The following KCP variants were observed in gnomAD, a reference collection of about 807,000 sequenced individuals.
KCP encodes kielin cysteine rich BMP regulator.
In KCP, 194 loss-of-function variants were observed where a neutral mutation model predicts 212.7. The observed-to-expected ratio is 0.91, with a 90% CI of 0.81 to 1.03. KCP has a LOEUF of 1.03. Among genes scored for constraint, KCP ranks in the 50% least tolerant of loss-of-function variants. The pLI, the probability that KCP is intolerant of heterozygous loss-of-function variation, is 0.00. For missense variants in KCP, 2,080 were observed against 2,162.5 expected (o/e 0.96, Z 0.76); for synonymous variants, 833 against 865.3 (o/e 0.96, Z 0.65).
chr7:128,908,622 A>C, intron 1 of KCP, 54 bp from the exon 2 acceptor site: 1 of 1,516,638 alleles, frequency 6.6e-7, no homozygotes, highest in Non-Finnish European at 8.9e-7. Flanking sequence ...TGGCCTGGCC[A>C]CATTTTCTGG....
At chr7:128,878,846 G>C (rs1245110559) in intron 37 of KCP, 124 bp from the exon 38 acceptor site, 2 of 966,806 alleles carry the variant, frequency 2.1e-6, no homozygotes, top group Non-Finnish European at 3.0e-6. Context: ...AGAATGGACA[G>C]GTGGAGGCTC....
chr7:128,893,614 T>A, intron 11 of KCP, 138 bp from the exon 12 acceptor site: 1 of 952,592 alleles, frequency 1.0e-6, no homozygotes, highest in Non-Finnish European at 1.6e-6. Context: ...AGCAGCCCCC[T>A]GCCCCCCACA....
At chr7:128,882,487 A>G (rs1224491095) in intron 29 of KCP, among the ~76,000 whole-genome samples, 1 of 152,202 alleles carries the variant, frequency 6.6e-6, no homozygotes, top group Admixed American at 6.5e-5. Flanking sequence ...AAAAGAGATT[A>G]ATAATACTTC....
At chr7:128,886,358 G>C in intron 26 of KCP, 106 bp downstream of exon 26, 1 of 931,520 alleles carries the variant, frequency 1.1e-6, no homozygotes, top group Non-Finnish European at 1.6e-6. Flanking sequence ...CAGTTGTTGG[G>C]GCAGGGAGGT....
In KCP at chr7:128,889,120, C is replaced by T. The variant is rs1020676090; in HGVS notation, c.2336-81G>A. 8 of 1,121,256 alleles carry T rather than the reference C, an allele frequency of 7.1e-6. No individual in the cohort carries two copies. In the African/African-American group the frequency reaches 1.3e-4, roughly 18 times the overall value. The allele number at this position is 1,121,256 out of a possible 1,614,324, so 69.5% of individuals were successfully genotyped here. A position where few individuals can be genotyped will look rare whatever the true frequency, so the allele number is the denominator to read the frequency against. The stretch of plus-strand genomic sequence containing the variant: ...AGTGGTCATAGGCTCTGAGCTTGGG[C>T]CTGTTATGCATCCAAGATCTCAAAG... On this transcript the variant is annotated intron_variant, in intron 21 of 39. Coordinates refer to ENST00000610776, the MANE Select transcript of KCP (RefSeq NM_001366122.1).
At position 128,893,829 on chromosome 7, in the gene KCP, C is replaced by A; in HGVS notation, c.1076G>T (p.Gly359Val). The change falls in exon 11 of 40, where the codon GGG becomes GTG. Residue 359 changes from glycine (G) to valine (V), a missense_variant. Coordinates refer to ENST00000610776, the MANE Select transcript of KCP (RefSeq NM_001366122.1). ...VPCRHPGKIP[G>V]QCCPVCDGCE... ...ACCATCGCAGACAGGGCAGCACTGCCCAGGGATCTTGCCTGGGTGTCTGCA... is the reference window on the plus strand; with the variant it reads ...ACCATCGCAGACAGGGCAGCACTGCACAGGGATCTTGCCTGGGTGTCTGCA... The A allele has an allele frequency of 1.3e-6, 2 of 1,551,188 alleles. No homozygotes were observed. The highest frequency in any genetic ancestry group is 1.7e-6 in the Non-Finnish European group (2 of 1,146,968).
At chr7:128,906,469 G>A in intron 4 of KCP, 106 bp from the exon 5 acceptor site, 1 of 805,042 alleles carries the variant, frequency 1.2e-6, no homozygotes, top group Admixed American at 2.0e-5. Context: ...AGGGGCAAGA[G>A]GATGAGTTGG....
At chr7:128,887,425 A>C (rs1793726669) in intron 22 of KCP, 125 bp from the exon 23 acceptor site, 2 of 734,728 alleles carry the variant, frequency 2.7e-6, no homozygotes, top group African/African-American at 1.8e-5. Context: ...ATAGCCACAC[A>C]CACACATACC....
At chr7:128,909,653 A>G (rs1051691606) in intron 1 of KCP, among the ~76,000 whole-genome samples, 1 of 151,934 alleles carries the variant, frequency 6.6e-6, no homozygotes, top group Non-Finnish European at 1.5e-5. Context: ...CCCTGCCTCC[A>G]TCTGTGCCCC....
intron 7 of KCP, chr7:128,903,476 C>T (rs1470426885): frequency 1.8e-6 from 1 of 556,238 alleles, no homozygotes; most frequent in African/African-American, 1.9e-5. Flanking sequence ...TTGGGGAGCA[C>T]AAAGTAGAAA....
chr7:128,881,689 C>T lies in KCP; in HGVS notation c.3361G>A (p.Glu1121Lys). The T allele has an allele frequency of 1.3e-6, 2 of 1,521,858 alleles. No individual in the cohort carries two copies. Among genetic ancestry groups the T allele is most frequent in the South Asian group, 1.3e-5 (1 of 79,020 alleles). 94.3% of individuals were successfully genotyped at this position (1,521,858 alleles called of 1,614,324 possible). A position where few individuals can be genotyped will look rare whatever the true frequency, so the allele number is the denominator to read the frequency against. Reference sequence around the variant, plus strand: ...CGCTCTGAGAGGGGACAGCTGAGCTCAGGACAAGCCTGGTGGATGCAGAGC... The same window carrying T: ...CGCTCTGAGAGGGGACAGCTGAGCTTAGGACAAGCCTGGTGGATGCAGAGC... The part of the protein sequence containing the change: ...TWLCIHQACP[E>K]LSCPLSERHT... Residue 1121 changes from glutamate to lysine, a missense_variant, in exon 31 of 40, where the codon GAG becomes AAG. Transcript: ENST00000610776.
chr7:128,902,960 C>G, intron 7 of KCP, 101 bp from the exon 8 acceptor site: 1 of 861,676 alleles, frequency 1.2e-6, no homozygotes. Context: ...TCTGAGGGCT[C>G]TCTCCCGAGC....
rs1036664168 is a variant in KCP, at chr7:128,892,953, C to G, written c.1336G>C (p.Ala446Pro). Residue 446 changes from alanine to proline, a missense_variant, in exon 14 of 40, where the codon GCC becomes CCC. Transcript: ENST00000610776. ...GGTACCCCATCTTGACAGACGCAGG[C>G]GGTGCAGGGCCGACCATCAGGCTCC... ...QWEPDGRPCT[A>P]CVCQDGVPKC... 2 of 1,343,650 alleles carry G rather than the reference C, an allele frequency of 1.5e-6. No individual in the cohort carries two copies. Among genetic ancestry groups the G allele is most frequent in the African/African-American group, 2.9e-5 (2 of 69,072 alleles). 83.2% of individuals were successfully genotyped at this position (1,343,650 alleles called of 1,614,324 possible).
In KCP at chr7:128,886,959, G is replaced by T; in HGVS notation, c.2606C>A (p.Ser869Tyr). Residue 869 changes from serine to tyrosine, a missense_variant, in exon 24 of 40, where the codon TCC becomes TAC. By Grantham distance (144) the Ser-to-Tyr change is moderately radical. Coordinates refer to ENST00000610776, the MANE Select transcript of KCP (RefSeq NM_001366122.1). Reference sequence around the variant, plus strand: ...ACATGGCTTCTTCTGGCAGCGCATGGAACCTTCCTGGGGGAGAGAGGCCCA... The same window carrying T: ...ACATGGCTTCTTCTGGCAGCGCATGTAACCTTCCTGGGGGAGAGAGGCCCA... ...TCSLCTCQEG[S>Y]MRCQKKPCPP... The T allele has an allele frequency of 6.6e-7, 1 of 1,507,134 alleles. No individual in the cohort carries two copies. The highest frequency in any genetic ancestry group is 9.0e-7 in the Non-Finnish European group (1 of 1,110,528). The allele number at this position is 1,507,134 out of a possible 1,614,324, so 93.4% of individuals were successfully genotyped here.
intron 9 of KCP, 51 bp from the exon 10 acceptor site, chr7:128,894,106 C>A: frequency 6.5e-7 from 1 of 1,529,168 alleles, no homozygotes; most frequent in Non-Finnish European, 8.8e-7. Flanking sequence ...TCCCCACCCT[C>A]TCCTGGCCTT....
chr7:128,890,830 A>C, intron 20 of KCP, 75 bp downstream of exon 20: 1 of 1,160,338 alleles, frequency 8.6e-7, no homozygotes, highest in Non-Finnish European at 1.1e-6. Context: ...GAGGAAGGGG[A>C]CTGGGCAGGG....
chr7:128,905,860 A>G (rs1795096555), intron 5 of KCP, among the ~76,000 whole-genome samples: 1 of 151,916 alleles, frequency 6.6e-6, no homozygotes, highest in African/African-American at 2.4e-5. Context: ...GACCCAGCTC[A>G]AAGGACCCAT....
At position 128,884,843 on chromosome 7, in the gene KCP, TC is replaced by T. The variant is rs1253469799; in HGVS notation, c.3060del (p.Lys1021SerfsTer64). The T allele has an allele frequency of 1.3e-6, 2 of 1,550,850 alleles. No individual in the cohort carries two copies. The highest frequency in any genetic ancestry group is 2.0e-5 in the Admixed American group (1 of 50,982). ...TGGAAGCTCTCCCCAGGCTCGTACT[TC>T]CGGCCCTCATGCTCACAGTCTTTGG... ...PQCSDCEHEG[R>X]KYEPGESFQP... On this transcript the variant is annotated frameshift_variant, in exon 28 of 40. Transcript: ENST00000610776. LOFTEE classifies it high-confidence loss of function.
chr7:128,885,206 G>A lies in KCP; in HGVS notation c.2931C>T (p.Cys977=), dbSNP rs1793573694. 16 of 1,550,776 alleles carry A rather than the reference G, an allele frequency of 1.0e-5. 1 individual carries two copies. The highest frequency in any genetic ancestry group is 4.9e-5 in the East Asian group (2 of 40,930). The change falls in exon 27 of 40, where the codon TGC becomes TGT. Residue 977 remains cysteine, a synonymous_variant. Coordinates refer to ENST00000610776, the MANE Select transcript of KCP (RefSeq NM_001366122.1). ...GSRWVPPDSA[C]SSCVCHEGVV... ...CGCCCTCGTGACACACACAGGAGGA[G>A]CAGGCACTGTCGGGGGGCACCCATC...
Sources: gnomAD v4.1 joint callset for allele counts (sites outside exome capture counted in the v4.1 genomes callset) on GRCh38, gnomAD v4.1.1 for gene constraint, MANE v1.5 for transcripts, NCBI Gene and HGNC (gene_info 2026-07-23, HGNC 2026-07-21) for gene names.